The following NADSYN1 variants were observed in gnomAD, a reference collection of about 807,000 sequenced individuals.
The protein encoded by NADSYN1 is NAD synthetase 1.
A neutral mutation model predicts 99.3 loss-of-function variants in NADSYN1; 80 were observed. The ratio of observed to expected loss-of-function variants is 0.81; its 90% CI spans 0.67 to 0.97. NADSYN1 has a LOEUF of 0.97. NADSYN1 is among the 50% of genes least tolerant of loss of function. The probability of loss-of-function intolerance (pLI) is 0.00; values close to 1 mark genes in which losing one functional copy is unlikely to be tolerated. For missense variants in NADSYN1, 859 were observed against 948.5 expected, an observed-to-expected ratio of 0.91 and a Z score of 1.24; for synonymous variants, 385 against 372.1, an observed-to-expected ratio of 1.03 and a Z score of -0.40.
At chr11:71,470,966 C>G (rs1949622730) in intron 5 of NADSYN1, among the ~76,000 whole-genome samples, 1 of 152,166 alleles carries the variant, frequency 6.6e-6, no homozygotes, top group African/African-American at 2.4e-5. Context: ...GGGCTCTATC[C>G]TGTGCTTTGT....
chr11:71,477,254 G>A (rs1591129110), intron 9 of NADSYN1: 2 of 1,227,752 alleles, frequency 1.6e-6, no homozygotes, highest in Non-Finnish European at 2.1e-6. Flanking sequence ...GGGAGAGTGG[G>A]ATGGAGCCAC....
At chr11:71,491,334 C>T (rs763925481) in intron 17 of NADSYN1, among the ~76,000 whole-genome samples, 2 of 152,270 alleles carry the variant, frequency 1.3e-5, no homozygotes, top group African/African-American at 4.8e-5. Flanking sequence ...GACCTTTCTT[C>T]GGCCTTTGCC....
intron 2 of NADSYN1, among the ~76,000 whole-genome samples, chr11:71,456,239 C>G (rs1426904724): frequency 6.6e-6 from 1 of 152,230 alleles, no homozygotes; most frequent in African/African-American, 2.4e-5. Flanking sequence ...AGATTGATTT[C>G]TCTCCTTAGA....
chr11:71,475,064 G>T (rs1591128084), intron 9 of NADSYN1: 1 of 167,250 alleles, frequency 6.0e-6, no homozygotes, highest in East Asian at 1.6e-4. Context: ...GCCCCTGCGG[G>T]TGGGTGTCGT....
In NADSYN1 at chr11:71,477,142, T is replaced by TC. The variant is rs1300638163; in HGVS notation, c.799-1252dup. The TC allele has an allele frequency of 2.6e-6, 3 of 1,140,328 alleles. No homozygotes were observed. The African/African-American group carries it at 4.9e-5, about 19-fold the overall frequency. 70.6% of individuals were successfully genotyped at this position (1,140,328 alleles called of 1,614,324 possible). ...GCAACAGACCTGCCGATCACCCCCG[T>TC]CGGGCCCGCGTTTCTCAGGGTCTTC... On this transcript the variant is annotated intron_variant, in intron 9 of 20. Transcript: ENST00000319023.
intron 10 of NADSYN1, among the ~76,000 whole-genome samples, 192 bp from the exon 11 acceptor site, chr11:71,480,563 C>T (rs565562699): frequency 6.6e-6 from 1 of 152,326 alleles, no homozygotes; most frequent in African/African-American, 2.4e-5. Context: ...ATCCCGGTTT[C>T]TCACCCCTCA....
In NADSYN1 at chr11:71,473,348, A is replaced by G. The variant is rs1247500662; in HGVS notation, c.530A>G (p.Glu177Gly). ...DTCIGSEICE[E>G]LWTPHSPHID... ...TGCATTGGAAGTGAGATCTGTGAGG[A>G]GCTCTGGACACCCCACAGGTCAGCC... The change falls in exon 7 of 21, where the codon GAG (glutamate) becomes GGG (glycine). Residue 177 changes from glutamate to glycine, a missense_variant. By Grantham distance (98) the Glu-to-Gly change is moderately conservative. Transcript: ENST00000319023. The G allele has an allele frequency of 6.2e-7, 1 of 1,614,086 alleles. No homozygotes were observed. The highest frequency in any genetic ancestry group is 8.5e-7 in the Non-Finnish European group (1 of 1,179,990).
chr11:71,458,596 A>C, intron 3 of NADSYN1, 52 bp downstream of exon 3: 976 of 1,365,760 alleles, frequency 7.1e-4, no homozygotes, highest in Non-Finnish European at 9.3e-4. Flanking sequence ...AGGCAAGCTC[A>C]AGGGCATGAC....
At chr11:71,453,714 C>CT (rs1426179408) in intron 1 of NADSYN1, among the ~76,000 whole-genome samples, 4 of 152,206 alleles carry the variant, frequency 2.6e-5, no homozygotes, top group Non-Finnish European at 5.9e-5. Context: ...TCGGAGATAT[C>CT]TAAGTTGAAC....
At chr11:71,466,325 C>G (rs1949589249) in intron 5 of NADSYN1, among the ~76,000 whole-genome samples, 1 of 152,244 alleles carries the variant, frequency 6.6e-6, no homozygotes, top group East Asian at 1.9e-4. Flanking sequence ...TCCTCAGCCT[C>G]TAGACCTCAA....
At chr11:71,460,196 AC>A (rs1253884308) in intron 3 of NADSYN1, 1 of 152,036 alleles carries the variant, frequency 6.6e-6, no homozygotes, top group Non-Finnish European at 1.5e-5. Flanking sequence ...TCACCTCATC[AC>A]CCCTGCAGCG....
intron 9 of NADSYN1, among the ~76,000 whole-genome samples, chr11:71,478,105 G>A (rs1949681844): frequency 6.7e-6 from 1 of 149,898 alleles, no homozygotes; most frequent in Admixed American, 6.6e-5. Context: ...TTACTGACAG[G>A]GGTGTGTCTT....
chr11:71,463,226 G>A (rs115302779), intron 3 of NADSYN1, among the ~76,000 whole-genome samples: 423 of 152,272 alleles, frequency 2.8e-3, no homozygotes, highest in African/African-American at 9.7e-3. Flanking sequence ...GCTTAGAGTC[G>A]GTGCTGCCTG....
At chr11:71,495,380 G>A (rs1483690436) in intron 18 of NADSYN1, among the ~76,000 whole-genome samples, 1 of 152,186 alleles carries the variant, frequency 6.6e-6, no homozygotes, top group Non-Finnish European at 1.5e-5. Flanking sequence ...TGGTGAGAAA[G>A]CAACTTTGTA....
chr11:71,498,519 A>C lies in NADSYN1; in HGVS notation c.2061A>C (p.Ile687=). 1 of 1,613,936 alleles carries C rather than the reference A, an allele frequency of 6.2e-7. No homozygotes were observed. Among genetic ancestry groups the C allele is most frequent in the Non-Finnish European group, 8.5e-7 (1 of 1,179,824 alleles). The change falls in exon 20 of 21, where the codon ATA becomes ATC. Residue 687 remains isoleucine (I), a synonymous_variant. Coordinates refer to ENST00000319023, the MANE Select transcript of NADSYN1 (RefSeq NM_018161.5). The stretch of plus-strand genomic sequence containing the variant: ...GCTGGCCTTGGCAGTTTCGGTGCAT[A>C]GAAAATCAGGTAAATCCAGCAGAAA... ...NTSWPWQFRC[I]ENQVLQLERA... is the part of the protein sequence containing the mutation.
chr11:71,482,928 A>T lies in NADSYN1; in HGVS notation c.1230A>T (p.Gly410=). Residue 410 remains glycine, a synonymous_variant, in exon 14 of 21, where the codon GGA becomes GGT. Transcript: ENST00000319023. ...YTPQDPRDLC[G]RILTTCYMAS... ...CCCAGGATCCCCGAGACCTCTGTGGACGCATACTGACCACCTGCTACATGG... is the reference window on the plus strand; with the variant it reads ...CCCAGGATCCCCGAGACCTCTGTGGTCGCATACTGACCACCTGCTACATGG... The T allele has an allele frequency of 6.2e-7, 1 of 1,613,136 alleles. No homozygotes were observed. Among genetic ancestry groups the T allele is most frequent in the Non-Finnish European group, 8.5e-7 (1 of 1,179,636 alleles).
chr11:71,490,900 G>T lies in NADSYN1; in HGVS notation c.1618G>T (p.Gly540Cys), dbSNP rs568789665. The T allele has an allele frequency of 1.2e-6, 2 of 1,614,212 alleles. No individual in the cohort carries two copies. The highest frequency in any genetic ancestry group is 1.7e-6 in the Non-Finnish European group (2 of 1,180,034). The change falls in exon 17 of 21, where the codon GGC becomes TGC. Residue 540 changes from glycine (G) to cysteine (C), a missense_variant. Transcript: ENST00000319023. ...CTCCAGTGCGGACATCAACCCCATAGGCGGGATCAGCAAGACGGACCTCAG... is the reference window on the plus strand; with the variant it reads ...CTCCAGTGCGGACATCAACCCCATATGCGGGATCAGCAAGACGGACCTCAG... ...DCSSADINPI[G>C]GISKTDLRAF... is the part of the protein sequence containing the mutation.
At chr11:71,474,180 A>G (rs73526543) in intron 8 of NADSYN1, among the ~76,000 whole-genome samples, 1,605 of 152,170 alleles carry the variant, frequency 0.011, 30 homozygotes, top group African/African-American at 0.037. Flanking sequence ...TGAAGGAAAA[A>G]CAAATGTTTT....
chr11:71,489,059 G>A (rs1290017854), intron 16 of NADSYN1, among the ~76,000 whole-genome samples: 3 of 151,630 alleles, frequency 2.0e-5, no homozygotes, highest in South Asian at 2.1e-4. Flanking sequence ...TCCAGAGAGA[G>A]CAGGAGGGGA....
Sources: gnomAD v4.1 joint callset for allele counts (sites outside exome capture counted in the v4.1 genomes callset) on GRCh38, gnomAD v4.1.1 for gene constraint, MANE v1.5 for transcripts, NCBI Gene and HGNC (gene_info 2026-07-23, HGNC 2026-07-21) for gene names.